The following SGPP2 variants were observed in gnomAD, a reference collection of about 807,000 sequenced individuals.
SGPP2 encodes sphingosine-1-phosphate phosphatase 2, also known as sphingosine 1-phosphate phosphohydrolase 2.
SGPP2 carries 30 observed loss-of-function variants against 33.9 expected under a neutral mutation model. That is an observed-to-expected ratio of 0.89 (90% CI 0.66 to 1.20). The LOEUF (loss-of-function observed/expected upper bound fraction) is 1.20, where lower values mean the gene tolerates loss of function less well. SGPP2 is among the 50% of genes most tolerant of loss of function. The pLI is 0.00. For missense variants in SGPP2, 458 were observed against 532.1 expected (o/e 0.86, Z 1.37); for synonymous variants, 233 against 225.0 (o/e 1.04, Z -0.32).
At chr2:222,449,657 G>A (rs934861208) in intron 1 of SGPP2, among the ~76,000 whole-genome samples, 8 of 152,136 alleles carry the variant, frequency 5.3e-5, no homozygotes, top group Non-Finnish European at 1.2e-4. Flanking sequence ...TTCTAGTAGA[G>A]ATGGGGTTTC....
At chr2:222,543,065 A>T (rs1699021196) in intron 4 of SGPP2, among the ~76,000 whole-genome samples, 1 of 152,278 alleles carries the variant, frequency 6.6e-6, no homozygotes, top group East Asian at 1.9e-4. Flanking sequence ...GGTGAACAGA[A>T]GTTCTTCATT....
chr2:222,485,490 G>T (rs1698092581), intron 2 of SGPP2, among the ~76,000 whole-genome samples: 1 of 152,230 alleles, frequency 6.6e-6, no homozygotes, highest in Non-Finnish European at 1.5e-5. Context: ...CTGGAGGCCT[G>T]CAGAGGGCTG....
intron 1 of SGPP2, among the ~76,000 whole-genome samples, chr2:222,455,628 A>G (rs906310419): frequency 2.6e-5 from 4 of 152,246 alleles, no homozygotes; most frequent in African/African-American, 7.2e-5. Flanking sequence ...CTTGATTTTC[A>G]TTTGAATAAG....
rs75811458 is a variant in SGPP2, at chr2:222,472,037, G to A, written c.220-2531G>A. On this transcript the variant is annotated intron_variant, in intron 1 of 4. Coordinates refer to ENST00000321276, the MANE Select transcript of SGPP2 (RefSeq NM_152386.4). ...TAGGAAGAAAAGGATGATAAAAAAT[G>A]AGAATGCATTTTAACAGGTCTTGTG... 4.1e-3 allele frequency among the ~76,000 whole-genome samples: 623 copies of A among 152,284 alleles called. 4 individuals carry two copies. The highest frequency in any genetic ancestry group is 0.014 in the African/African-American group (573 of 41,556).
At chr2:222,442,447 A>G (rs970528271) in intron 1 of SGPP2, among the ~76,000 whole-genome samples, 1 of 152,170 alleles carries the variant, frequency 6.6e-6, no homozygotes, top group Non-Finnish European at 1.5e-5. Flanking sequence ...GACTTTTTAT[A>G]CTGGTGTGTT....
intron 1 of SGPP2, among the ~76,000 whole-genome samples, chr2:222,452,066 A>G (rs1697499726): frequency 6.6e-6 from 1 of 151,346 alleles, no homozygotes; most frequent in East Asian, 1.9e-4. Context: ...TTTATTTCTT[A>G]TTCTTGAGGT....
Position 222,561,023 on chromosome 2 carries a change from T to C in SGPP2, c.*2125T>C, listed in dbSNP as rs1202774891. ...AGGAGGCTGAGGCAGGAGAATGGCGTGAACCCGGTGAGCGGAGCTTGCAGT... is the reference window on the plus strand; with the variant it reads ...AGGAGGCTGAGGCAGGAGAATGGCGCGAACCCGGTGAGCGGAGCTTGCAGT... On this transcript the variant is annotated 3_prime_UTR_variant, in exon 5 of 5. Transcript: ENST00000321276. 1 of 150,932 alleles carries C rather than the reference T, an allele frequency of 6.6e-6. No individual in the cohort carries two copies. Among genetic ancestry groups the C allele is most frequent in the Non-Finnish European group, 1.5e-5 (1 of 67,970 alleles). The allele number at this position is 150,932 out of a possible 1,614,324, so 9.3% of individuals were successfully genotyped here.
At chr2:222,544,929 T>G (rs1265605672) in intron 4 of SGPP2, among the ~76,000 whole-genome samples, 1 of 152,170 alleles carries the variant, frequency 6.6e-6, no homozygotes, top group East Asian at 1.9e-4. Context: ...CTTGTTATTA[T>G]AAAATAATAA....
At chr2:222,524,919 C>T (rs1559169675) in intron 3 of SGPP2, 25 bp from the exon 4 acceptor site, 9 of 1,586,046 alleles carry the variant, frequency 5.7e-6, no homozygotes, top group Non-Finnish European at 7.8e-6. Context: ...ATCTAATTCC[C>T]TTGTTTTTTC....
intron 1 of SGPP2, among the ~76,000 whole-genome samples, chr2:222,438,373 C>G (rs1697275464): frequency 6.6e-6 from 1 of 152,158 alleles, no homozygotes; most frequent in Admixed American, 6.6e-5. Context: ...ATAATGTCAT[C>G]CATGTAATGG....
At chr2:222,549,868 C>G in intron 4 of SGPP2, among the ~76,000 whole-genome samples, 1 of 148,152 alleles carries the variant, frequency 6.7e-6, no homozygotes, top group Admixed American at 6.8e-5. Context: ...TATGCTTTTT[C>G]TTTTCTTTTC....
chr2:222,457,038 G>GA (rs1472559603), intron 1 of SGPP2, among the ~76,000 whole-genome samples: 1 of 150,802 alleles, frequency 6.6e-6, no homozygotes, highest in African/African-American at 2.4e-5. Flanking sequence ...TATTTAAAAA[G>GA]AAAAAAGAAA....
chr2:222,449,250 C>T (rs1021910637), intron 1 of SGPP2, among the ~76,000 whole-genome samples: 1 of 152,182 alleles, frequency 6.6e-6, no homozygotes, highest in African/African-American at 2.4e-5. Context: ...GAAAAGAGCT[C>T]ACAGTTAACT....
At chr2:222,545,439 G>A (rs919187967) in intron 4 of SGPP2, among the ~76,000 whole-genome samples, 8 of 151,898 alleles carry the variant, frequency 5.3e-5, no homozygotes, top group Non-Finnish European at 5.9e-5. Context: ...GTGCCACCAC[G>A]CCTGGCTAAT....
At position 222,477,331 on chromosome 2, in the gene SGPP2, ATG is replaced by A. The variant is rs759450975; in HGVS notation, c.378+2615_378+2616del. ...TAGGTGTGAGTATATATGTGTGTCT[ATG>A]TGTGTGTGTATAGGTGTGTATATAT... is the stretch of plus-strand genomic sequence containing the variant. On this transcript the variant is annotated intron_variant, in intron 2 of 4. Coordinates refer to ENST00000321276, the MANE Select transcript of SGPP2 (RefSeq NM_152386.4). The surrounding 1 kb of genome is among the most constrained non-coding windows in gnomAD (Gnocchi z 6.0). 2.0e-3 allele frequency among the ~76,000 whole-genome samples: 278 copies of A among 137,180 alleles called. 2 individuals are homozygous for A. Among genetic ancestry groups the A allele is most frequent in the Admixed American group, 6.4e-3 (91 of 14,160 alleles). The allele number at this position is 137,180 out of a possible 152,430, so 90.0% of individuals were successfully genotyped here. A position where few individuals can be genotyped will look rare whatever the true frequency, so the allele number is the denominator to read the frequency against.
At chr2:222,533,174 T>C (rs1290034336) in intron 4 of SGPP2, among the ~76,000 whole-genome samples, 3 of 152,140 alleles carry the variant, frequency 2.0e-5, no homozygotes, top group Non-Finnish European at 2.9e-5. Context: ...TTGGAAGGAC[T>C]GGGGTAGCTT....
At chr2:222,478,207 G>T (rs1697977691) in intron 2 of SGPP2, among the ~76,000 whole-genome samples, 1 of 150,576 alleles carries the variant, frequency 6.6e-6, no homozygotes, top group Non-Finnish European at 1.5e-5. Context: ...GGAGGGAGGG[G>T]GAGAGGGAGG....
At chr2:222,431,544 G>A (rs551152932) in intron 1 of SGPP2, among the ~76,000 whole-genome samples, 2 of 152,180 alleles carry the variant, frequency 1.3e-5, no homozygotes, top group South Asian at 4.2e-4. Flanking sequence ...ACAAGGTGGG[G>A]GTAATTGAAG....
At chr2:222,556,922 TATCCACCCTTAGTCCTCCCCC>T (rs1014657376) in intron 4 of SGPP2, among the ~76,000 whole-genome samples, 1 of 139,374 alleles carries the variant, frequency 7.2e-6, no homozygotes, top group Non-Finnish European at 1.6e-5. Context: ...ACTCCTTCCC[TATCCACCCTTAGTCCTCCCCC>T]ATCCACCCTG....
Sources: gnomAD v4.1 joint callset for allele counts (sites outside exome capture counted in the v4.1 genomes callset) on GRCh38, gnomAD v4.1.1 for gene constraint, Gnocchi (gnomAD v3.1) non-coding constraint, MANE v1.5 for transcripts, NCBI Gene and HGNC (gene_info 2026-07-23, HGNC 2026-07-21) for gene names.